The following DNAAF11 variants were observed in gnomAD, a reference collection of about 807,000 sequenced individuals.
DNAAF11 encodes dynein axonemal assembly factor 11.
A neutral mutation model predicts 60.8 loss-of-function variants in DNAAF11; 45 were observed. The ratio of observed to expected loss-of-function variants is 0.74; its 90% CI spans 0.58 to 0.95. The LOEUF is 0.95. DNAAF11 is among the 40% of genes least tolerant of loss of function. DNAAF11 has a pLI of 0.00. For synonymous variants in DNAAF11, 191 were observed against 183.5 expected, an observed-to-expected ratio of 1.04 and a Z score of -0.33; for missense variants, 546 against 546.2, an observed-to-expected ratio of 1.00 and a Z score of 0.00.
chr8:132,687,461 C>T, the DNAAF11 span: 2 of 360,418 alleles, frequency 5.5e-6, no homozygotes, highest in South Asian at 4.2e-5. Context: ...TTTTCTTATA[C>T]CTTGATGATG....
At chr8:132,674,044 A>AG (rs1825447510) in intron 1 of DNAAF11, among the ~76,000 whole-genome samples, 2 of 145,704 alleles carry the variant, frequency 1.4e-5, no homozygotes, top group African/African-American at 5.0e-5. Context: ...GAGCAGGAGC[A>AG]GAAGGAGCAG....
chr8:132,649,397 C>T (rs1015006565), intron 3 of DNAAF11, among the ~76,000 whole-genome samples: 1 of 152,084 alleles, frequency 6.6e-6, no homozygotes, highest in Non-Finnish European at 1.5e-5. Context: ...AATGTTAGAC[C>T]TAAAACCATA....
chr8:132,587,792 A>C (rs532430140), intron 10 of DNAAF11, among the ~76,000 whole-genome samples: 1 of 152,342 alleles, frequency 6.6e-6, no homozygotes, highest in Admixed American at 6.5e-5. Context: ...TAATAATGTT[A>C]CATTATTTTA....
rs932557659 is a variant in DNAAF11 at position 132,594,787 on chromosome 8, ATGCAGAACTT to A, written c.1141-11018_1141-11009del. ...TAAGTTTCCTGAGGCCTCCCAAGCC[ATGCAGAACTT>A]TGAGTCAATTAAACCTCTTTTCCTT... On this transcript the variant is annotated intron_variant, in intron 10 of 11. Transcript: ENST00000620350. 4.3e-4 allele frequency among the ~76,000 whole-genome samples: 66 copies of A among 152,288 alleles called. 1 individual carries two copies. The highest frequency in any genetic ancestry group is 6.8e-3 in the Middle Eastern group (2 of 294).
At chr8:132,678,123 C>A (rs531058434), upstream of DNAAF11, among the ~76,000 whole-genome samples, 1 of 150,434 alleles carries the variant, frequency 6.6e-6, no homozygotes, top group South Asian at 2.1e-4. Flanking sequence ...AATAAACTTT[C>A]TATCTGAGGA....
intron 4 of DNAAF11, among the ~76,000 whole-genome samples, chr8:132,637,039 C>T (rs1442488079): frequency 1.3e-5 from 2 of 152,166 alleles, no homozygotes; most frequent in Non-Finnish European, 2.9e-5. Flanking sequence ...TGAAACGTAA[C>T]ATTGCTATCT....
chr8:132,622,147 C>T (rs1275531376), intron 7 of DNAAF11, among the ~76,000 whole-genome samples: 2 of 152,172 alleles, frequency 1.3e-5, no homozygotes, highest in African/African-American at 4.8e-5. Context: ...TATCCATCCT[C>T]TCATTAAATT....
chr8:132,649,970 A>G (rs1230155868), intron 3 of DNAAF11, among the ~76,000 whole-genome samples: 6 of 152,180 alleles, frequency 3.9e-5, no homozygotes, highest in Non-Finnish European at 7.3e-5. Flanking sequence ...TGATTCCTCA[A>G]GGATCTAGAA....
intron 11 of DNAAF11, among the ~76,000 whole-genome samples, chr8:132,579,398 T>A (rs1382924865): frequency 6.6e-6 from 1 of 152,006 alleles, no homozygotes; most frequent in African/African-American, 2.4e-5. Flanking sequence ...GGAGATGGCA[T>A]CTCTTTTGCA....
chr8:132,644,691 T>C lies in DNAAF11; in HGVS notation c.257-6584A>G, dbSNP rs889262583. Among the ~76,000 whole-genome samples the C allele has an allele frequency of 2.0e-5, 3 of 152,320 alleles. No individual in the cohort carries two copies. The South Asian group carries it at 6.2e-4, about 32-fold the overall frequency. ...CAGCACACCAGGAGATTATATCCCA[T>C]GCATGACTTGGAGGGTCCCACGCCC... On this transcript the variant is annotated intron_variant, in intron 3 of 11. Coordinates refer to ENST00000620350, the MANE Select transcript of DNAAF11 (RefSeq NM_012472.6).
intron 11 of DNAAF11, among the ~76,000 whole-genome samples, chr8:132,575,405 T>TA (rs1361553694): frequency 6.6e-6 from 1 of 152,202 alleles, no homozygotes; most frequent in African/African-American, 2.4e-5. Flanking sequence ...AAGAGTTCGT[T>TA]ATGAAATTCA....
At chr8:132,608,554 C>T in intron 10 of DNAAF11, 1 of 425,196 alleles carries the variant, frequency 2.4e-6, no homozygotes, top group Non-Finnish European at 4.8e-6. Context: ...GGTTGGCACC[C>T]TGCAAAAGAT....
the DNAAF11 span, among the ~76,000 whole-genome samples, chr8:132,696,304 A>C: frequency 6.6e-6 from 1 of 152,212 alleles, no homozygotes; most frequent in Non-Finnish European, 1.5e-5. Context: ...GAAGCATTGG[A>C]GAGGATGTGG....
chr8:132,637,996 T>C lies in DNAAF11; in HGVS notation c.368A>G (p.Asn123Ser), dbSNP rs769213047. 1.9e-6 allele frequency: 3 copies of C among 1,613,602 alleles called. No individual in the cohort carries two copies. The highest frequency in any genetic ancestry group is 2.2e-5 in the East Asian group (1 of 44,872). The change falls in exon 4 of 12, where the codon AAC becomes AGC. Residue 123 changes from asparagine to serine, a missense_variant. Asn to Ser is a conservative substitution (Grantham distance 46). Coordinates refer to ENST00000620350, the MANE Select transcript of DNAAF11 (RefSeq NM_012472.6). ...ATAGTGGTCAAAGGAAGCACATGGG[T>C]TCCCCATGAGAAAGAGCTCCTTCAG... Reference protein sequence around the residue: ...IHLKELFLMGNPCASFDHYRE... With the variant: ...IHLKELFLMGSPCASFDHYRE...
chr8:132,580,581 T>C (rs185013590), intron 11 of DNAAF11, among the ~76,000 whole-genome samples: 10 of 152,282 alleles, frequency 6.6e-5, no homozygotes, highest in Admixed American at 6.5e-5. Context: ...AATTGCAATC[T>C]ATATACCAGC....
At chr8:132,603,734 G>A (rs1459114963) in intron 10 of DNAAF11, among the ~76,000 whole-genome samples, 1 of 151,946 alleles carries the variant, frequency 6.6e-6, no homozygotes, top group Admixed American at 6.6e-5. Flanking sequence ...AATAGAGGGG[G>A]ATGTTTTTAT....
Position 132,632,921 on chromosome 8 carries a change from C to T in DNAAF11, c.472G>A (p.Ala158Thr), listed in dbSNP as rs146136398. The T allele has an allele frequency of 1.2e-6, 2 of 1,613,678 alleles. No homozygotes were observed. The highest frequency in any genetic ancestry group is 2.2e-5 in the South Asian group (2 of 91,062). The change falls in exon 5 of 12, where the codon GCA becomes ACA. Residue 158 changes from alanine to threonine, a missense_variant. Transcript: ENST00000620350. ...KEIEPSERIK[A>T]LQDYSVIEPQ... ...TCAATTACTGAATAGTCCTGCAATG[C>T]CTTAATCCTTTCTGAAGGCTCTATT...
At chr8:132,688,589 T>C in the DNAAF11 span, among the ~76,000 whole-genome samples, 1 of 152,184 alleles carries the variant, frequency 6.6e-6, no homozygotes, top group African/African-American at 2.4e-5. Context: ...CTGAGACTAT[T>C]GCTAGAACTC....
intron 6 of DNAAF11, among the ~76,000 whole-genome samples, 170 bp downstream of exon 6, chr8:132,625,102 T>C (rs1820118122): frequency 6.6e-6 from 1 of 152,188 alleles, no homozygotes; most frequent in Non-Finnish European, 1.5e-5. Flanking sequence ...TACTTTGATA[T>C]TAATGAATGT....
Sources: allele counts gnomAD v4.1 joint callset (sites outside exome capture counted in the v4.1 genomes callset), GRCh38; gene constraint gnomAD v4.1.1; transcripts MANE v1.5; gene names NCBI Gene and HGNC (gene_info 2026-07-23, HGNC 2026-07-21).